Variants in PHKB observed in about 807,000 individuals in gnomAD.
PHKB encodes the protein phosphorylase kinase regulatory subunit beta.
Under a neutral mutation model 152.1 loss-of-function variants are expected in PHKB, and 122 were observed. The ratio of observed to expected loss-of-function variants is 0.80; its 90% CI spans 0.69 to 0.93. The LOEUF is 0.93. Ranked by LOEUF, PHKB falls within the 40% of genes least tolerant of loss-of-function variation. The pLI, the probability that PHKB is intolerant of heterozygous loss-of-function variation, is 0.00. For synonymous variants in PHKB, 436 were observed against 464.9 expected (o/e 0.94, Z 0.80); for missense variants, 1,304 against 1,328.4 (o/e 0.98, Z 0.29).
At chr16:47,684,292 C>T (rs920087932) in intron 26 of PHKB, among the ~76,000 whole-genome samples, 1 of 151,926 alleles carries the variant, frequency 6.6e-6, no homozygotes, top group African/African-American at 2.4e-5. Context: ...AACAGCTGCA[C>T]TCCACCCTGG....
chr16:47,566,994 C>A, intron 7 of PHKB: 1 of 436,170 alleles, frequency 2.3e-6, no homozygotes, highest in Non-Finnish European at 4.1e-6. Flanking sequence ...GTTACTATAG[C>A]CTTGTAGTAT....
At chr16:47,553,266 G>A (rs1017349696) in intron 7 of PHKB, among the ~76,000 whole-genome samples, 38 of 151,776 alleles carry the variant, frequency 2.5e-4, no homozygotes, top group African/African-American at 7.2e-4. Context: ...TTGTCTTCTC[G>A]CTTTATTTCA....
In PHKB at chr16:47,648,519, C is replaced by G. The variant is rs773205868; in HGVS notation, c.1609-14C>G. ...TTCTTACCTGACTCTAATTTACAAA[C>G]TTGTGTCTTACAGGCTTATTTGCAG... On this transcript the variant is annotated splice_polypyrimidine_tract_variant and intron_variant, in intron 16 of 30. Coordinates refer to ENST00000323584, the MANE Select transcript of PHKB (RefSeq NM_000293.3). 4.4e-6 allele frequency: 7 copies of G among 1,583,278 alleles called. 1 individual carries two copies. The highest frequency in any genetic ancestry group is 6.1e-6 in the Non-Finnish European group (7 of 1,152,230).
Position 47,511,526 on chromosome 16 carries a change from A to C in PHKB, c.406-139A>C, listed in dbSNP as rs1056962892. 4.9e-5 allele frequency: 33 copies of C among 669,254 alleles called. 1 individual carries two copies. The South Asian group carries it at 5.5e-4, about 11-fold the overall frequency. 41.5% of individuals were successfully genotyped at this position (669,254 alleles called of 1,614,324 possible). A position where few individuals can be genotyped will look rare whatever the true frequency, so the allele number is the denominator to read the frequency against. ...GAACTTTTTGTATTTTTTCTTGAGA[A>C]AAGGTAACGTTTCTGCTTTGTTCGG... On this transcript the variant is annotated intron_variant, in intron 4 of 30. Coordinates refer to ENST00000323584, the MANE Select transcript of PHKB (RefSeq NM_000293.3).
intron 27 of PHKB, 108 bp downstream of exon 27, chr16:47,689,283 C>A: frequency 2.6e-6 from 3 of 1,165,568 alleles, no homozygotes; most frequent in South Asian, 1.3e-5. Flanking sequence ...AAGTAAAATT[C>A]AACAGAGTGT....
chr16:47,475,051 C>T (rs1969845732), intron 1 of PHKB, among the ~76,000 whole-genome samples: 1 of 152,174 alleles, frequency 6.6e-6, no homozygotes, highest in Middle Eastern at 3.2e-3. Context: ...TTTCTGCTTA[C>T]AGGACAGCTT....
chr16:47,600,821 C>T (rs1291072552), intron 13 of PHKB, among the ~76,000 whole-genome samples: 2 of 152,194 alleles, frequency 1.3e-5, no homozygotes, highest in African/African-American at 4.8e-5. Flanking sequence ...CATCTTTATG[C>T]ATCATCACAT....
In PHKB at chr16:47,700,779, C is replaced by T. The variant is rs947806400; in HGVS notation, c.*1413C>T. ...TAGATTTGTCACATAAAAAATGCAGCTTATTTGTAGTGTTTTGAAAGGATG... is the reference window on the plus strand; with the variant it reads ...TAGATTTGTCACATAAAAAATGCAGTTTATTTGTAGTGTTTTGAAAGGATG... On this transcript the variant is annotated 3_prime_UTR_variant, in exon 31 of 31. Transcript: ENST00000323584. 6.6e-6 allele frequency: 1 copy of T among 151,924 alleles called. No homozygotes were observed. Among genetic ancestry groups the T allele is most frequent in the Admixed American group, 6.6e-5 (1 of 15,262 alleles). The allele number at this position is 151,924 out of a possible 1,614,324, so 9.4% of individuals were successfully genotyped here. A position where few individuals can be genotyped will look rare whatever the true frequency, so the allele number is the denominator to read the frequency against.
chr16:47,603,820 T>C (rs1001621954), intron 13 of PHKB, among the ~76,000 whole-genome samples: 1 of 152,156 alleles, frequency 6.6e-6, no homozygotes, highest in African/African-American at 2.4e-5. Context: ...CTGACTTTCT[T>C]ATATGTCACA....
At chr16:47,680,306 C>T (rs576951817) in intron 26 of PHKB, among the ~76,000 whole-genome samples, 1 of 152,316 alleles carries the variant, frequency 6.6e-6, no homozygotes, top group East Asian at 1.9e-4. Flanking sequence ...GGAGGATTCC[C>T]TCTTTTTCTA....
intron 14 of PHKB, among the ~76,000 whole-genome samples, chr16:47,639,687 A>G (rs906326927): frequency 6.6e-6 from 1 of 152,222 alleles, no homozygotes; most frequent in Non-Finnish European, 1.5e-5. Flanking sequence ...GCCAATTACA[A>G]TCTATAAACT....
intron 7 of PHKB, among the ~76,000 whole-genome samples, chr16:47,551,809 C>T (rs563977549): frequency 7.2e-5 from 11 of 152,174 alleles, no homozygotes; most frequent in Admixed American, 2.6e-4. Flanking sequence ...TATTGACAGT[C>T]GGGTGTTAAA....
rs1031812460 is a variant in PHKB, at chr16:47,673,509, A to G, written c.2630+4092A>G. Among the ~76,000 whole-genome samples, 5 of 152,162 alleles carry G rather than the reference A, an allele frequency of 3.3e-5. No individual in the cohort carries two copies. In the East Asian group the frequency reaches 9.6e-4, roughly 29 times the overall value. On this transcript the variant is annotated intron_variant, in intron 26 of 30. Coordinates refer to ENST00000323584, the MANE Select transcript of PHKB (RefSeq NM_000293.3). Reference sequence around the variant, plus strand: ...GCCTTGTTTTTATGAAAGTCCATTCATATATACAGAAGATATCAGGATGTA... The same window carrying G: ...GCCTTGTTTTTATGAAAGTCCATTCGTATATACAGAAGATATCAGGATGTA...
rs539156559 is a variant in PHKB at position 47,575,330 on chromosome 16, T to C, written c.711-4965T>C. 2.0e-5 allele frequency among the ~76,000 whole-genome samples: 3 copies of C among 152,282 alleles called. No individual in the cohort carries two copies. The South Asian group carries it at 6.2e-4, about 32-fold the overall frequency. On this transcript the variant is annotated intron_variant, in intron 7 of 30. Transcript: ENST00000323584. Reference sequence around the variant, plus strand: ...AACTTAAAATAGCACTACCTTTCAATCCAGTAATCCCACTACTGGATATCT... The same window carrying C: ...AACTTAAAATAGCACTACCTTTCAACCCAGTAATCCCACTACTGGATATCT...
At chr16:47,469,259 T>C (rs926765563) in intron 1 of PHKB, among the ~76,000 whole-genome samples, 9 of 152,198 alleles carry the variant, frequency 5.9e-5, no homozygotes, top group African/African-American at 2.2e-4. Flanking sequence ...ATATGGTTAT[T>C]ATATAGATGT....
intron 7 of PHKB, chr16:47,566,920 A>G: frequency 1.7e-6 from 1 of 595,804 alleles, no homozygotes; most frequent in Non-Finnish European, 3.0e-6. Context: ...TCACACTGGA[A>G]ACTGGTATTG....
intron 1 of PHKB, among the ~76,000 whole-genome samples, chr16:47,479,310 A>G (rs1395425093): frequency 6.6e-6 from 1 of 152,144 alleles, no homozygotes; most frequent in African/African-American, 2.4e-5. Flanking sequence ...TAGTTTTGAT[A>G]TTTAAGCTGT....
At chr16:47,679,177 TGTA>T (rs1242060318) in intron 26 of PHKB, among the ~76,000 whole-genome samples, 2 of 152,202 alleles carry the variant, frequency 1.3e-5, no homozygotes, top group African/African-American at 4.8e-5. Context: ...ACTGTGGCCT[TGTA>T]GTATAGTTTG....
At chr16:47,525,676 C>T (rs764995462) in intron 6 of PHKB, among the ~76,000 whole-genome samples, 1 of 152,232 alleles carries the variant, frequency 6.6e-6, no homozygotes, top group East Asian at 1.9e-4. Context: ...CCGAAAACAA[C>T]GCAATGATGA....
Sources: gnomAD v4.1 joint callset for allele counts (sites outside exome capture counted in the v4.1 genomes callset) on GRCh38, gnomAD v4.1.1 for gene constraint, MANE v1.5 for transcripts, NCBI Gene and HGNC (gene_info 2026-07-23, HGNC 2026-07-21) for gene names.